TRAPPC12: variants seen among roughly 807,000 people sequenced by gnomAD.
TRAPPC12 encodes TPR repeat protein 15.
TRAPPC12 carries 61 observed loss-of-function variants against 69.2 expected under a neutral mutation model. The ratio of observed to expected loss-of-function variants is 0.88; its 90% CI spans 0.72 to 1.09. TRAPPC12 has a LOEUF of 1.09. Ranked by LOEUF, TRAPPC12 falls within the 50% of genes least tolerant of loss-of-function variation. TRAPPC12 has a pLI of 0.00. For missense variants in TRAPPC12, 1,101 were observed against 1,016.4 expected (o/e 1.08, Z -1.13); for synonymous variants, 469 against 438.9 (o/e 1.07, Z -0.86).
chr2:3,412,700 A>G lies in TRAPPC12; in HGVS notation c.1165-9181A>G, dbSNP rs1158582062. On this transcript the variant is annotated intron_variant, in intron 3 of 11. Coordinates refer to ENST00000324266, the MANE Select transcript of TRAPPC12 (RefSeq NM_016030.6). ...AGAGCGGCCAGCTACACCTTCATCT[A>G]GAACGGATTCATGTCATCTCCAACT... Among the ~76,000 whole-genome samples the G allele has an allele frequency of 4.6e-5, 7 of 152,314 alleles. No individual in the cohort carries two copies. The East Asian group carries it at 1.2e-3, about 25-fold the overall frequency.
chr2:3,418,177 A>G (rs1481518182), intron 3 of TRAPPC12, among the ~76,000 whole-genome samples: 2 of 152,214 alleles, frequency 1.3e-5, no homozygotes, highest in Non-Finnish European at 2.9e-5. Context: ...CCTGGGCAAC[A>G]TGGGAAAACC....
intron 5 of TRAPPC12, among the ~76,000 whole-genome samples, chr2:3,439,072 T>TGAG (rs1664052285): frequency 6.6e-6 from 1 of 152,226 alleles, no homozygotes; most frequent in African/African-American, 2.4e-5. Context: ...GAGCAATCAA[T>TGAG]GAGAGTTCCT....
intron 7 of TRAPPC12, chr2:3,458,555 C>G: frequency 1.5e-6 from 1 of 672,310 alleles, no homozygotes; most frequent in Middle Eastern, 7.5e-4. Context: ...GGTGTGCATG[C>G]TGTGGCATGT....
intron 2 of TRAPPC12, among the ~76,000 whole-genome samples, chr2:3,395,625 C>G (rs1325525161): frequency 6.9e-6 from 1 of 144,830 alleles, no homozygotes; most frequent in Non-Finnish European, 1.5e-5. Context: ...TACAGTTTCA[C>G]AATCACAGCT....
At chr2:3,423,666 G>A (rs1282174399) in intron 4 of TRAPPC12, among the ~76,000 whole-genome samples, 3 of 152,148 alleles carry the variant, frequency 2.0e-5, no homozygotes, top group Non-Finnish European at 2.9e-5. Context: ...CACAAACGAC[G>A]GGATTTCCTC....
chr2:3,421,571 T>G, intron 3 of TRAPPC12: 1 of 582,420 alleles, frequency 1.7e-6, no homozygotes, highest in Non-Finnish European at 3.3e-6. Context: ...TTGAGAGATG[T>G]GCGGAGCTTT....
Position 3,458,053 on chromosome 2 carries a change from CGTCGGGG to C in TRAPPC12, c.1603+361_1603+367del, listed in dbSNP as rs1665267787. The C allele has an allele frequency of 4.7e-5, 17 of 359,784 alleles. No homozygotes were observed. The South Asian group carries it at 2.0e-3, about 43-fold the overall frequency. The allele number at this position is 359,784 out of a possible 1,614,324, so 22.3% of individuals were successfully genotyped here. The stretch of plus-strand genomic sequence containing the variant: ...TCTGCGTCGGGGAGAGAGGCCTCTG[CGTCGGGG>C]ACAGAGGCCTCTGCGTCGGGGACAG... On this transcript the variant is annotated intron_variant, in intron 7 of 11. Coordinates refer to ENST00000324266, the MANE Select transcript of TRAPPC12 (RefSeq NM_016030.6).
intron 8 of TRAPPC12, chr2:3,462,823 C>T: frequency 2.2e-6 from 1 of 445,886 alleles, no homozygotes; most frequent in South Asian, 1.6e-5. Flanking sequence ...CCCGGGTGCC[C>T]CTGGGAGGCC....
At chr2:3,402,346 CT>C (rs1558352396) in intron 3 of TRAPPC12, among the ~76,000 whole-genome samples, 1 of 152,172 alleles carries the variant, frequency 6.6e-6, no homozygotes. Context: ...AATCCCAGCA[CT>C]TTGGGAGGCC....
chr2:3,400,252 C>T (rs1039915473), intron 2 of TRAPPC12, among the ~76,000 whole-genome samples: 1 of 151,898 alleles, frequency 6.6e-6, no homozygotes, highest in Non-Finnish European at 1.5e-5. Flanking sequence ...ATTTCAGGGA[C>T]CTCAGAGCCA....
At chr2:3,436,873 A>T (rs1293862492) in intron 5 of TRAPPC12, among the ~76,000 whole-genome samples, 2 of 81,738 alleles carry the variant, frequency 2.4e-5, no homozygotes, top group Non-Finnish European at 4.5e-5. Context: ...CCCCTGGATT[A>T]ATCTCCCCAC....
chr2:3,391,516 G>C (rs11684337), intron 2 of TRAPPC12, among the ~76,000 whole-genome samples: 1 of 151,986 alleles, frequency 6.6e-6, no homozygotes, highest in Admixed American at 6.6e-5. Context: ...GGTGTTTTAC[G>C]GGCAGTCTTT....
intron 3 of TRAPPC12, among the ~76,000 whole-genome samples, chr2:3,409,750 T>TAAAAA (rs71396989): frequency 1.8e-5 from 1 of 54,872 alleles, no homozygotes; most frequent in African/African-American, 6.2e-5. Context: ...ACTTTGTCTT[T>TAAAAA]AAAAAAAAAA....
intron 5 of TRAPPC12, among the ~76,000 whole-genome samples, chr2:3,432,458 C>CT: frequency 6.6e-6 from 1 of 152,092 alleles, no homozygotes; most frequent in East Asian, 1.9e-4. Context: ...AATTCTGAAA[C>CT]TTTTTTTTAT....
intron 9 of TRAPPC12, among the ~76,000 whole-genome samples, chr2:3,476,737 T>G (rs1666306980): frequency 6.6e-6 from 1 of 152,248 alleles, no homozygotes; most frequent in Admixed American, 6.5e-5. Context: ...TTAACTAGGC[T>G]GCTCAGTATG....
At chr2:3,402,853 TG>T (rs1428028924) in intron 3 of TRAPPC12, among the ~76,000 whole-genome samples, 1 of 152,208 alleles carries the variant, frequency 6.6e-6, no homozygotes, top group Non-Finnish European at 1.5e-5. Flanking sequence ...TAGGGGGCTG[TG>T]GAATTGCTCT....
At chr2:3,426,014 A>G (rs1663081024) in intron 5 of TRAPPC12, among the ~76,000 whole-genome samples, 3 of 152,074 alleles carry the variant, frequency 2.0e-5, no homozygotes, top group African/African-American at 7.2e-5. Flanking sequence ...TTTATTCCCC[A>G]TGCTCTCTCC....
intron 9 of TRAPPC12, among the ~76,000 whole-genome samples, chr2:3,468,461 C>T (rs1278590354): frequency 1.3e-5 from 2 of 152,070 alleles, no homozygotes; most frequent in South Asian, 2.1e-4. Context: ...CAGTCATCAT[C>T]GTCGTGTGTA....
At chr2:3,430,631 A>G (rs1157876209) in intron 5 of TRAPPC12, among the ~76,000 whole-genome samples, 1 of 152,254 alleles carries the variant, frequency 6.6e-6, no homozygotes, top group Admixed American at 6.5e-5. Context: ...GGGAAATACT[A>G]TTTTCAACCC....
Sources: allele counts gnomAD v4.1 joint callset (sites outside exome capture counted in the v4.1 genomes callset), GRCh38; gene constraint gnomAD v4.1.1; transcripts MANE v1.5; gene names NCBI Gene and HGNC (gene_info 2026-07-23, HGNC 2026-07-21).